ZNF292: variants seen among roughly 807,000 people sequenced by gnomAD.
ZNF292 encodes the protein zinc finger protein 292.
ZNF292 carries 26 observed loss-of-function variants against 217.9 expected under a neutral mutation model. The ratio of observed to expected loss-of-function variants is 0.12; its 90% CI spans 0.09 to 0.17. The LOEUF (loss-of-function observed/expected upper bound fraction) is 0.17. ZNF292 is among the 10% of genes least tolerant of loss of function. The pLI, the probability that ZNF292 is intolerant of heterozygous loss-of-function variation, is 1.00. For synonymous variants in ZNF292, 1,257 were observed against 1,124.1 expected (o/e 1.12, Z -2.37); for missense variants, 2,904 against 3,175.2 (o/e 0.91, Z 2.05).
intron 4 of ZNF292, among the ~76,000 whole-genome samples, chr6:87,222,274 G>T (rs1773120400): frequency 6.6e-6 from 1 of 151,818 alleles, no homozygotes; most frequent in Non-Finnish European, 1.5e-5. Flanking sequence ...CAAGCTTCTG[G>T]GATACTTAAA....
intron 3 of ZNF292, 21 bp from the exon 4 acceptor site, chr6:87,218,575 A>T: frequency 4.0e-6 from 6 of 1,511,328 alleles, no homozygotes; most frequent in Non-Finnish European, 5.3e-6. Context: ...AATTCTTTGG[A>T]TGTTTATTTA....
chr6:87,175,033 C>A (rs568006011), intron 1 of ZNF292, among the ~76,000 whole-genome samples: 1 of 152,092 alleles, frequency 6.6e-6, no homozygotes, highest in African/African-American at 2.4e-5. Flanking sequence ...GTACTTGATC[C>A]CCACCACTTC....
At chr6:87,205,785 G>A (rs1271394483) in intron 1 of ZNF292, among the ~76,000 whole-genome samples, 1 of 151,772 alleles carries the variant, frequency 6.6e-6, no homozygotes, top group Non-Finnish European at 1.5e-5. Context: ...CACAATCTGT[G>A]TCTTTATTTT....
chr6:87,218,769 A>T, intron 4 of ZNF292, 38 bp downstream of exon 4: 1 of 1,525,598 alleles, frequency 6.6e-7, no homozygotes, highest in Non-Finnish European at 8.8e-7. Context: ...AAGAATAATT[A>T]GACTAGAAAA....
chr6:87,187,135 GT>G lies in ZNF292; in HGVS notation c.169-28764del, dbSNP rs543950278. Among the ~76,000 whole-genome samples, 248 of 152,188 alleles carry G rather than the reference GT, an allele frequency of 1.6e-3. 1 individual carries two copies. The highest frequency in any genetic ancestry group is 5.8e-3 in the African/African-American group (240 of 41,516). On this transcript the variant is annotated intron_variant, in intron 1 of 7. Transcript: ENST00000369577. ...ATCTTAAGACAAACAGTAATCCAAA[GT>G]TTTAGAAAAAAGAAATTCCTGCAGT...
chr6:87,211,026 A>G (rs920325779), intron 1 of ZNF292, among the ~76,000 whole-genome samples: 1 of 152,220 alleles, frequency 6.6e-6, no homozygotes, highest in Non-Finnish European at 1.5e-5. Flanking sequence ...GTGCACATCA[A>G]AACATCCATG....
intron 1 of ZNF292, among the ~76,000 whole-genome samples, chr6:87,188,264 A>G (rs1771723096): frequency 6.6e-6 from 1 of 152,212 alleles, no homozygotes; most frequent in Non-Finnish European, 1.5e-5. Context: ...ACAGTTATGA[A>G]TGCATTTGGA....
chr6:87,218,003 A>C (rs1024627070), intron 3 of ZNF292, among the ~76,000 whole-genome samples: 1 of 152,136 alleles, frequency 6.6e-6, no homozygotes. Context: ...ACAGTTTCTG[A>C]ATTGAATAAA....
chr6:87,237,764 T>C (rs184888291), intron 5 of ZNF292, among the ~76,000 whole-genome samples: 1 of 152,320 alleles, frequency 6.6e-6, no homozygotes, highest in East Asian at 1.9e-4. Context: ...TTCTAATTGG[T>C]TTTAAATATT....
chr6:87,190,194 A>G (rs1168493281), intron 1 of ZNF292, among the ~76,000 whole-genome samples: 1 of 152,228 alleles, frequency 6.6e-6, no homozygotes, highest in Non-Finnish European at 1.5e-5. Flanking sequence ...TATACAGACA[A>G]CCTTCCATTT....
At position 87,264,492 on chromosome 6, in the gene ZNF292, TA is replaced by T. The variant is rs1402758229; in HGVS notation, c.*2693del. ...TGCTGTAGATAATATGAAAGTACAA[TA>T]ATACTATACCTAGGGACATCAGAAA... is the stretch of plus-strand genomic sequence containing the variant. On this transcript the variant is annotated 3_prime_UTR_variant, in exon 8 of 8. Coordinates refer to ENST00000369577, the MANE Select transcript of ZNF292 (RefSeq NM_015021.3). 2.0e-5 allele frequency among the ~76,000 whole-genome samples: 3 copies of T among 152,216 alleles called. No homozygotes were observed. Among genetic ancestry groups the T allele is most frequent in the African/African-American group, 4.8e-5 (2 of 41,454 alleles).
At chr6:87,192,574 G>C (rs948426109) in intron 1 of ZNF292, among the ~76,000 whole-genome samples, 2 of 152,180 alleles carry the variant, frequency 1.3e-5, no homozygotes, top group Middle Eastern at 3.4e-3. Flanking sequence ...ACTTAGGTTT[G>C]TGCCCTTCCG....
intron 1 of ZNF292, among the ~76,000 whole-genome samples, chr6:87,171,238 C>A (rs988242254): frequency 1.6e-4 from 25 of 152,044 alleles, no homozygotes; most frequent in African/African-American, 6.0e-4. Flanking sequence ...TAGTTGAAAC[C>A]TTTCCTTTGT....
intron 1 of ZNF292, among the ~76,000 whole-genome samples, chr6:87,160,515 A>G (rs6928406): frequency 0.024 from 3,270 of 137,946 alleles, 118 homozygotes; most frequent in African/African-American, 0.09. Flanking sequence ...GTGTGTGTGT[A>G]TATATATGCA....
In ZNF292 at chr6:87,233,497, A is replaced by G. The variant is rs748927338; in HGVS notation, c.711A>G (p.Thr237=). The G allele has an allele frequency of 2.3e-5, 37 of 1,611,754 alleles. No homozygotes were observed. The African/African-American group carries it at 4.1e-4, about 18-fold the overall frequency. Residue 237 remains threonine, a synonymous_variant, in exon 5 of 8, where the codon ACA becomes ACG. Transcript: ENST00000369577. ...FKQTYLVCLC[T]SSPNGKLIEE... ...AAACTTACCTTGTCTGTCTTTGTAC[A>G]TCATCACCAAATGGAAAGTTAATCG...
chr6:87,221,591 A>G (rs933760804), intron 4 of ZNF292, among the ~76,000 whole-genome samples: 6 of 152,178 alleles, frequency 3.9e-5, no homozygotes, highest in Admixed American at 6.5e-5. Flanking sequence ...CTTGGTAGCA[A>G]TTGAGATTTT....
intron 4 of ZNF292, among the ~76,000 whole-genome samples, chr6:87,230,055 G>A (rs1773568691): frequency 6.6e-6 from 1 of 152,178 alleles, no homozygotes; most frequent in Admixed American, 6.5e-5. Flanking sequence ...GACACAACTA[G>A]GTGATAGATT....
At chr6:87,195,880 T>A (rs1329535797) in intron 1 of ZNF292, among the ~76,000 whole-genome samples, 1 of 151,516 alleles carries the variant, frequency 6.6e-6, no homozygotes, top group Admixed American at 6.6e-5. Context: ...ATACAAAAAT[T>A]AGCCGGGCAT....
chr6:87,264,639 G>T lies in ZNF292; in HGVS notation c.*2838G>T, dbSNP rs1483841615. ...GGGGGACAAGGGAATTCCAGACTTG[G>T]GGGTAGAGCGTAATTGCGGTATTGC... On this transcript the variant is annotated 3_prime_UTR_variant, in exon 8 of 8. Coordinates refer to ENST00000369577, the MANE Select transcript of ZNF292 (RefSeq NM_015021.3). Among the ~76,000 whole-genome samples, 2 of 152,150 alleles carry T rather than the reference G, an allele frequency of 1.3e-5. No homozygotes were observed. Among genetic ancestry groups the T allele is most frequent in the African/African-American group, 2.4e-5 (1 of 41,418 alleles).
Sources: allele counts gnomAD v4.1 joint callset (sites outside exome capture counted in the v4.1 genomes callset), GRCh38; gene constraint gnomAD v4.1.1; transcripts MANE v1.5; gene names NCBI Gene and HGNC (gene_info 2026-07-23, HGNC 2026-07-21).